The following FAM72D variants were observed in gnomAD, a reference collection of about 807,000 sequenced individuals.
FAM72D encodes the protein protein FAM72D.
For missense variants in FAM72D, 9 were observed against 104.7 expected (o/e 0.09, Z 3.99); for synonymous variants, 4 against 35.1 (o/e 0.11, Z 3.13).
At chr1:145,097,184 A>G (rs1654505588) in intron 1 of FAM72D, among the ~76,000 whole-genome samples, 185 bp downstream of exon 1, 2 of 144,494 alleles carry the variant, frequency 1.4e-5, no homozygotes, top group Non-Finnish European at 3.0e-5. Flanking sequence ...GGTTTAGCCA[A>G]GGTGGTCAGT....
intron 2 of FAM72D, among the ~76,000 whole-genome samples, chr1:145,100,461 A>G (rs1479904771): frequency 7.1e-6 from 1 of 140,946 alleles, no homozygotes; most frequent in Non-Finnish European, 1.5e-5. Context: ...AGATGAAGTC[A>G]CTGGCCTTTG....
chr1:145,105,745 GAGT>G (rs1359644714), intron 3 of FAM72D, among the ~76,000 whole-genome samples: 3 of 150,298 alleles, frequency 2.0e-5, no homozygotes, highest in African/African-American at 7.4e-5. Context: ...CTGAGGTTGG[GAGT>G]TCGAGACCAG....
intron 2 of FAM72D, among the ~76,000 whole-genome samples, chr1:145,100,921 C>A (rs1654677062): frequency 1.4e-5 from 2 of 146,424 alleles, no homozygotes; most frequent in Non-Finnish European, 3.0e-5. Flanking sequence ...AGGTGTGAGC[C>A]ACCGCACCTG....
rs1433747647 is a variant in FAM72D, at chr1:145,112,481, A to G, written c.*884A>G. 1 of 147,376 alleles carries G rather than the reference A, an allele frequency of 6.8e-6. No individual in the cohort carries two copies. Among genetic ancestry groups the G allele is most frequent in the Non-Finnish European group, 1.5e-5 (1 of 67,836 alleles). 9.1% of individuals were successfully genotyped at this position (147,376 alleles called of 1,614,324 possible). A position where few individuals can be genotyped will look rare whatever the true frequency, so the allele number is the denominator to read the frequency against. On this transcript the variant is annotated 3_prime_UTR_variant, in exon 4 of 4. Transcript: ENST00000400889. ...GCATTCAGAGCTACAAAGGAATAGG[A>G]AAGTAGGGTAGTGTTGGATTCTGGT...
At chr1:145,101,028 G>A (rs1296052615) in intron 2 of FAM72D, among the ~76,000 whole-genome samples, 4 of 150,668 alleles carry the variant, frequency 2.7e-5, no homozygotes, top group Non-Finnish European at 4.4e-5. Flanking sequence ...TGAAACCTCC[G>A]TCTTCTGGGT....
intron 2 of FAM72D, among the ~76,000 whole-genome samples, chr1:145,102,432 A>G (rs1654746828): frequency 3.0e-5 from 1 of 33,230 alleles, no homozygotes; most frequent in Admixed American, 3.1e-4. Flanking sequence ...TCACAACATT[A>G]TGGCATCTAG....
intron 3 of FAM72D, among the ~76,000 whole-genome samples, chr1:145,104,238 GGTCTT>G (rs1261562930): frequency 1.4e-5 from 2 of 144,748 alleles, no homozygotes. Flanking sequence ...GCTGGTGGAG[GGTCTT>G]GCCTTGATGT....
intron 3 of FAM72D, among the ~76,000 whole-genome samples, chr1:145,107,267 C>CA (rs1162400068): frequency 8.1e-6 from 1 of 123,240 alleles, no homozygotes; most frequent in Non-Finnish European, 1.6e-5. Flanking sequence ...TTTTTTGAGA[C>CA]AGAGTTTCAC....
intron 3 of FAM72D, among the ~76,000 whole-genome samples, chr1:145,106,942 C>T (rs1229889488): frequency 7.6e-5 from 7 of 91,744 alleles, no homozygotes; most frequent in Non-Finnish European, 1.4e-4. Context: ...TTTAGCAAGG[C>T]CAGGCATGGT....
intron 2 of FAM72D, among the ~76,000 whole-genome samples, chr1:145,101,085 G>A (rs1553637900): frequency 6.7e-6 from 1 of 149,932 alleles, no homozygotes; most frequent in Admixed American, 6.6e-5. Context: ...GGGACTACAG[G>A]CACATGCCAC....
chr1:145,100,971 T>C (rs1199820600), intron 2 of FAM72D, among the ~76,000 whole-genome samples: 1 of 149,980 alleles, frequency 6.7e-6, no homozygotes, highest in Non-Finnish European at 1.5e-5. Context: ...AGACGGAGTC[T>C]TGCTCTGTTG....
chr1:145,101,736 G>A (rs1196940532), intron 2 of FAM72D, among the ~76,000 whole-genome samples: 1 of 142,042 alleles, frequency 7.0e-6, no homozygotes, highest in East Asian at 2.0e-4. Context: ...AATGAATATA[G>A]GCGGTAATTA....
upstream of FAM72D, chr1:145,095,116 C>CG: frequency 1.3e-6 from 1 of 761,450 alleles, no homozygotes; most frequent in Non-Finnish European, 1.7e-6. Flanking sequence ...GGCGATGCCG[C>CG]GAGCAGCATC....
intron 2 of FAM72D, among the ~76,000 whole-genome samples, chr1:145,100,730 A>C (rs1483556711): frequency 6.7e-6 from 1 of 149,592 alleles, no homozygotes; most frequent in African/African-American, 2.5e-5. Flanking sequence ...GAGCTCAGGC[A>C]GTCCGCCTGC....
intron 2 of FAM72D, among the ~76,000 whole-genome samples, chr1:145,100,490 CTTTTT>C (rs1323178789): frequency 7.6e-6 from 1 of 130,994 alleles, no homozygotes. Context: ...TTTCTTCTTT[CTTTTT>C]TTTTTTTTTT....
chr1:145,107,125 C>T (rs1303593708), intron 3 of FAM72D, among the ~76,000 whole-genome samples: 8 of 39,512 alleles, frequency 2.0e-4, no homozygotes, highest in East Asian at 5.2e-4. Flanking sequence ...CAGAGTGAGA[C>T]CCTGTCTCAA....
At chr1:145,107,481 C>T (rs376504283) in intron 3 of FAM72D, among the ~76,000 whole-genome samples, 20,919 of 122,080 alleles carry the variant, frequency 0.17, 1,504 homozygotes, top group Middle Eastern at 0.25. Flanking sequence ...TCAGGGGATC[C>T]GCCTGCCTCA....
intron 2 of FAM72D, among the ~76,000 whole-genome samples, chr1:145,100,925 G>T (rs1350367949): frequency 6.9e-6 from 1 of 145,202 alleles, no homozygotes; most frequent in African/African-American, 2.6e-5. Context: ...GTGAGCCACC[G>T]CACCTGGGCA....
At chr1:145,108,170 A>C (rs1349332847) in intron 3 of FAM72D, among the ~76,000 whole-genome samples, 1 of 150,106 alleles carries the variant, frequency 6.7e-6, no homozygotes, top group Non-Finnish European at 1.5e-5. Flanking sequence ...TGTATTTTTC[A>C]TAGAGACCAG....
Sources: gnomAD v4.1 joint callset for allele counts (sites outside exome capture counted in the v4.1 genomes callset) on GRCh38, gnomAD v4.1.1 for gene constraint, MANE v1.5 for transcripts, NCBI Gene and HGNC (gene_info 2026-07-23, HGNC 2026-07-21) for gene names.